Variants in PGPEP1L observed in about 807,000 individuals in gnomAD.
PGPEP1L encodes pyroglutamyl-peptidase 1-like protein.
PGPEP1L carries 7 observed loss-of-function variants against 6.0 expected under a neutral mutation model. The ratio of observed to expected loss-of-function variants is 1.17; its 90% CI spans 0.66 to 2.19. PGPEP1L has a LOEUF of 2.19. Among genes scored for constraint, PGPEP1L ranks in the 30% most tolerant of loss-of-function variants. PGPEP1L has a pLI of 0.00. For missense variants in PGPEP1L, 209 were observed against 192.5 expected, an observed-to-expected ratio of 1.09 and a Z score of -0.51; for synonymous variants, 103 against 83.9, an observed-to-expected ratio of 1.23 and a Z score of -1.24.
intron 2 of PGPEP1L, among the ~76,000 whole-genome samples, chr15:99,002,807 G>GTTCCACCTCTGATTCCTGTGACAT (rs375069476): frequency 6.6e-6 from 1 of 150,750 alleles, no homozygotes; most frequent in African/African-American, 2.4e-5. Context: ...GAGGTTTTCA[G>GTTCCACCTCTGATTCCTGTGACAT]TTCCACCTCT....
At chr15:98,972,316 G>A (rs575780818) in intron 2 of PGPEP1L, among the ~76,000 whole-genome samples, 3 of 151,754 alleles carry the variant, frequency 2.0e-5, no homozygotes, top group African/African-American at 4.8e-5. Flanking sequence ...TCGTGCCATC[G>A]CACTCCAGCC....
At chr15:99,002,733 T>C (rs2017991604) in intron 2 of PGPEP1L, among the ~76,000 whole-genome samples, 1 of 152,154 alleles carries the variant, frequency 6.6e-6, no homozygotes, top group South Asian at 2.1e-4. Flanking sequence ...AGTCAGGTGC[T>C]CAATTAAGTG....
At chr15:98,973,833 G>A (rs1051047415) in intron 2 of PGPEP1L, among the ~76,000 whole-genome samples, 23 of 151,892 alleles carry the variant, frequency 1.5e-4, no homozygotes, top group African/African-American at 5.1e-4. Context: ...TTAGTAGAAG[G>A]AAAGAAATAA....
intron 4 of PGPEP1L, 79 bp downstream of exon 4, chr15:98,969,346 C>T: frequency 6.4e-7 from 1 of 1,567,600 alleles, no homozygotes. Context: ...TACAGGATGG[C>T]TTCTTGGAGG....
chr15:98,992,717 A>C (rs1202132212), intron 2 of PGPEP1L, among the ~76,000 whole-genome samples: 2 of 152,188 alleles, frequency 1.3e-5, no homozygotes, highest in Non-Finnish European at 2.9e-5. Context: ...CTGCAGTAAC[A>C]AAAACAGCAT....
At chr15:98,985,235 T>A (rs2017730626) in intron 2 of PGPEP1L, among the ~76,000 whole-genome samples, 1 of 152,148 alleles carries the variant, frequency 6.6e-6, no homozygotes, top group African/African-American at 2.4e-5. Flanking sequence ...TCTCTTGATT[T>A]CTACTAAGTT....
At position 99,007,769 on chromosome 15, in the gene PGPEP1L, A is replaced by T. The variant is rs2663111; in HGVS notation, c.-780T>A. The stretch of plus-strand genomic sequence containing the variant: ...CAAAACAACAAAACTTCCACAGCAC[A>T]GAAGGCGACTCCAGCAAGTTGCTAC... On this transcript the variant is annotated 5_prime_UTR_variant, in exon 1 of 5. Coordinates refer to ENST00000535714, the MANE Select transcript of PGPEP1L (RefSeq NM_001167902.2). 129,134 of 152,078 alleles carry T rather than the reference A, an allele frequency of 0.85. 54,945 individuals are homozygous for T. The highest frequency in any genetic ancestry group is 0.93 in the East Asian group (4,823 of 5,174). The allele number at this position is 152,078 out of a possible 1,614,324, so 9.4% of individuals were successfully genotyped here. A position where few individuals can be genotyped will look rare whatever the true frequency, so the allele number is the denominator to read the frequency against.
intron 2 of PGPEP1L, among the ~76,000 whole-genome samples, chr15:98,976,286 C>T (rs1484627770): frequency 6.6e-6 from 1 of 152,132 alleles, no homozygotes; most frequent in East Asian, 1.9e-4. Context: ...TTCACCATCA[C>T]CAACATTTTT....
intron 1 of PGPEP1L, among the ~76,000 whole-genome samples, chr15:99,007,011 C>T (rs1555473751): frequency 6.6e-6 from 1 of 152,114 alleles, no homozygotes; most frequent in Non-Finnish European, 1.5e-5. Context: ...CTGAATTGTC[C>T]TCCTGATATA....
chr15:99,002,104 T>G (rs1555473125), intron 2 of PGPEP1L, among the ~76,000 whole-genome samples: 1 of 152,156 alleles, frequency 6.6e-6, no homozygotes, highest in Non-Finnish European at 1.5e-5. Flanking sequence ...TTCCATCTCC[T>G]GGGCTCAAGT....
chr15:98,975,984 G>A (rs957073721), intron 2 of PGPEP1L, among the ~76,000 whole-genome samples: 1 of 152,052 alleles, frequency 6.6e-6, no homozygotes, highest in Non-Finnish European at 1.5e-5. Flanking sequence ...AAAGACAAAT[G>A]TGTGATTTCA....
At chr15:98,988,780 C>A (rs1452224739) in intron 2 of PGPEP1L, among the ~76,000 whole-genome samples, 1 of 152,172 alleles carries the variant, frequency 6.6e-6, no homozygotes. Flanking sequence ...TAGGACGAAG[C>A]TTCAGGCGGC....
chr15:98,993,859 T>C (rs2017852203), intron 2 of PGPEP1L, among the ~76,000 whole-genome samples: 2 of 151,600 alleles, frequency 1.3e-5, no homozygotes, highest in Admixed American at 1.3e-4. Flanking sequence ...AACACAAAAT[T>C]GAAAAAACAA....
intron 2 of PGPEP1L, among the ~76,000 whole-genome samples, chr15:98,990,448 C>A (rs2017804145): frequency 6.6e-6 from 1 of 152,170 alleles, no homozygotes; most frequent in African/African-American, 2.4e-5. Flanking sequence ...TATAGGAGCA[C>A]CCAGATTCAT....
chr15:99,005,744 G>A (rs1416593768), intron 1 of PGPEP1L, 88 bp from the exon 2 acceptor site: 2 of 152,548 alleles, frequency 1.3e-5, no homozygotes, highest in Non-Finnish European at 2.9e-5. Flanking sequence ...GGACTTTCTG[G>A]ACATTTGAGT....
At chr15:98,978,571 A>T (rs1212384954) in intron 2 of PGPEP1L, among the ~76,000 whole-genome samples, 1 of 152,070 alleles carries the variant, frequency 6.6e-6, no homozygotes, top group Non-Finnish European at 1.5e-5. Flanking sequence ...CCCCAAAAAA[A>T]ACTGTGTAGA....
Position 98,971,068 on chromosome 15 carries a change from C to T in PGPEP1L, c.-51G>A. ...TGATGATCTTCCCAGATTCCGGTGA[C>T]CCTCCGCTTAGCCTCCCTGTAATCT... On this transcript the variant is annotated 5_prime_UTR_variant, in exon 3 of 5. Coordinates refer to ENST00000535714, the MANE Select transcript of PGPEP1L (RefSeq NM_001167902.2). 3.7e-6 allele frequency: 6 copies of T among 1,613,822 alleles called. No homozygotes were observed. The highest frequency in any genetic ancestry group is 4.2e-6 in the Non-Finnish European group (5 of 1,179,836).
intron 2 of PGPEP1L, among the ~76,000 whole-genome samples, chr15:99,003,032 G>A (rs2017996354): frequency 6.6e-6 from 1 of 152,110 alleles, no homozygotes; most frequent in Non-Finnish European, 1.5e-5. Flanking sequence ...AACAGGGTTG[G>A]CTCATGAGGA....
chr15:98,979,630 ATTCTTTTTTTTTTTT>A (rs1373524799), intron 2 of PGPEP1L, among the ~76,000 whole-genome samples: 1,455 of 105,888 alleles, frequency 0.014, 89 homozygotes, highest in East Asian at 0.03. Context: ...ATTGGAGACT[ATTCTTTTTTTTTTTT>A]TTTTTTTTTT....
Sources: gnomAD v4.1 joint callset for allele counts (sites outside exome capture counted in the v4.1 genomes callset) on GRCh38, gnomAD v4.1.1 for gene constraint, MANE v1.5 for transcripts, NCBI Gene and HGNC (gene_info 2026-07-23, HGNC 2026-07-21) for gene names.